The following AGBL4 variants were observed in gnomAD, a reference collection of about 807,000 sequenced individuals.
AGBL4 encodes the protein AGBL carboxypeptidase 4.
AGBL4 carries 58 observed loss-of-function variants against 66.4 expected under a neutral mutation model. The ratio of observed to expected loss-of-function variants is 0.87; its 90% CI spans 0.71 to 1.09. The LOEUF (loss-of-function observed/expected upper bound fraction) is 1.09. Ranked by LOEUF, AGBL4 falls within the 50% of genes least tolerant of loss-of-function variation. The pLI, the probability that AGBL4 is intolerant of heterozygous loss-of-function variation, is 0.00. For synonymous variants in AGBL4, 234 were observed against 222.9 expected, an observed-to-expected ratio of 1.05 and a Z score of -0.44; for missense variants, 579 against 631.0, an observed-to-expected ratio of 0.92 and a Z score of 0.88.
chr1:49,603,032 A>C (rs1112687), intron 3 of AGBL4, among the ~76,000 whole-genome samples: 104,113 of 151,800 alleles, frequency 0.69, 36,464 homozygotes, highest in African/African-American at 0.78. Flanking sequence ...ATTGGAGGAT[A>C]AAAAAGATTA....
intron 3 of AGBL4, chr1:49,527,324 C>G (rs1650746485): frequency 6.6e-6 from 1 of 152,104 alleles, no homozygotes; most frequent in South Asian, 2.1e-4. Context: ...AGCCCATGAA[C>G]ATCAAGCATG....
At chr1:49,184,688 A>G (rs1054266732) in intron 4 of AGBL4, among the ~76,000 whole-genome samples, 6 of 152,208 alleles carry the variant, frequency 3.9e-5, no homozygotes, top group African/African-American at 1.4e-4. Context: ...GCAAAGGCTT[A>G]CATTGAAATG....
chr1:48,999,830 G>GC (rs1305555165), intron 5 of AGBL4, among the ~76,000 whole-genome samples: 2 of 151,992 alleles, frequency 1.3e-5, no homozygotes, highest in East Asian at 1.9e-4. Flanking sequence ...TGATCTACCA[G>GC]CCCCCCTTAG....
intron 1 of AGBL4, among the ~76,000 whole-genome samples, chr1:49,912,739 GA>G (rs945018903): frequency 4.7e-5 from 7 of 150,346 alleles, no homozygotes; most frequent in African/African-American, 7.3e-5. Context: ...TAGTTTATAA[GA>G]AAAAAAAACA....
intron 3 of AGBL4, among the ~76,000 whole-genome samples, chr1:49,627,593 TAC>T (rs1412068734): frequency 6.6e-6 from 1 of 152,296 alleles, no homozygotes; most frequent in East Asian, 1.9e-4. Context: ...TAGCCAGGCA[TAC>T]CACTTATAGT....
At chr1:49,398,336 TC>T (rs1645015146) in intron 3 of AGBL4, among the ~76,000 whole-genome samples, 1 of 10,536 alleles carries the variant, frequency 9.5e-5, no homozygotes, top group East Asian at 5.5e-4. Flanking sequence ...TCTCTCTTTC[TC>T]TCTCTCTCTC....
At chr1:49,471,857 C>T (rs1298411839) in intron 3 of AGBL4, 1 of 152,036 alleles carries the variant, frequency 6.6e-6, no homozygotes, top group Admixed American at 6.6e-5. Context: ...CAATGTGTCC[C>T]AACCCCACCA....
intron 2 of AGBL4, among the ~76,000 whole-genome samples, chr1:49,715,017 G>A (rs577752025): frequency 6.6e-6 from 1 of 152,084 alleles, no homozygotes; most frequent in East Asian, 1.9e-4. Flanking sequence ...TGCAGAATGT[G>A]CAGGTTTGTT....
intron 6 of AGBL4, among the ~76,000 whole-genome samples, chr1:48,744,049 G>C (rs1317658825): frequency 6.6e-6 from 1 of 152,174 alleles, no homozygotes; most frequent in Non-Finnish European, 1.5e-5. Context: ...GAGATTTCAG[G>C]TCCCATTCCT....
intron 5 of AGBL4, among the ~76,000 whole-genome samples, chr1:48,934,370 A>G (rs1158357763): frequency 6.6e-6 from 1 of 152,112 alleles, no homozygotes; most frequent in Admixed American, 6.5e-5. Context: ...CTCAGTATGT[A>G]TATCTGTTGT....
At chr1:49,252,344 C>T (rs557940329) in intron 3 of AGBL4, among the ~76,000 whole-genome samples, 16 of 151,560 alleles carry the variant, frequency 1.1e-4, no homozygotes, top group South Asian at 4.2e-4. Flanking sequence ...ATAAGACAGG[C>T]GGACAAGAAT....
intron 6 of AGBL4, among the ~76,000 whole-genome samples, chr1:48,673,574 A>C (rs1646311161): frequency 6.6e-6 from 1 of 152,236 alleles, no homozygotes; most frequent in South Asian, 2.1e-4. Context: ...ATTTCTATTA[A>C]AGAGTGTAAT....
At chr1:48,770,847 C>A (rs974230754) in intron 6 of AGBL4, among the ~76,000 whole-genome samples, 2 of 152,156 alleles carry the variant, frequency 1.3e-5, no homozygotes, top group African/African-American at 4.8e-5. Context: ...TATCTCAGGT[C>A]CACCATGACC....
At chr1:49,121,946 C>A (rs1645662827) in intron 4 of AGBL4, among the ~76,000 whole-genome samples, 1 of 152,244 alleles carries the variant, frequency 6.6e-6, no homozygotes, top group Non-Finnish European at 1.5e-5. Flanking sequence ...CAGGCTGTCC[C>A]CTCACAGTTT....
chr1:48,867,205 G>C lies in AGBL4; in HGVS notation c.620C>G (p.Thr207Arg), dbSNP rs923984022. 4 of 1,613,574 alleles carry C rather than the reference G, an allele frequency of 2.5e-6. No homozygotes were observed. In the East Asian group the frequency reaches 6.7e-5, roughly 27 times the overall value. ...CGCCTACTCACCAGGGCTGGTTATC[G>C]TCAGGAGGTCAAGCTTTCGTTGTTG... ...SVQQRKLDLL[T>R]ITSPDNLREG... is the part of the protein sequence containing the mutation. The change falls in exon 6 of 14, where the codon ACG becomes AGG. Residue 207 changes from threonine (T) to arginine (R), a missense_variant. Transcript: ENST00000371839.
chr1:49,238,574 T>C (rs1425958663), intron 4 of AGBL4, among the ~76,000 whole-genome samples: 1 of 152,190 alleles, frequency 6.6e-6, no homozygotes, highest in African/African-American at 2.4e-5. Context: ...GTCCTGTTTC[T>C]TATTTTTTTC....
intron 1 of AGBL4, among the ~76,000 whole-genome samples, chr1:49,871,489 G>C (rs965940790): frequency 6.6e-6 from 1 of 152,000 alleles, no homozygotes; most frequent in African/African-American, 2.4e-5. Flanking sequence ...GTTATATCAA[G>C]TGTTTTAAAG....
chr1:48,882,903 T>C (rs767223300), intron 5 of AGBL4, among the ~76,000 whole-genome samples: 2 of 152,234 alleles, frequency 1.3e-5, no homozygotes, highest in African/African-American at 4.8e-5. Context: ...TCACTTAGAT[T>C]AATGTCCTTC....
intron 3 of AGBL4, among the ~76,000 whole-genome samples, chr1:49,664,098 G>A (rs1364644089): frequency 2.0e-5 from 3 of 151,960 alleles, no homozygotes; most frequent in Non-Finnish European, 4.4e-5. Context: ...GAATTCAGGG[G>A]ATAAGTCCTA....
Sources: gnomAD v4.1 joint callset for allele counts (sites outside exome capture counted in the v4.1 genomes callset) on GRCh38, gnomAD v4.1.1 for gene constraint, MANE v1.5 for transcripts, NCBI Gene and HGNC (gene_info 2026-07-23, HGNC 2026-07-21) for gene names.